FNTA: variants seen among roughly 807,000 people sequenced by gnomAD.
FNTA encodes farnesyltransferase, CAAX box, subunit alpha.
In FNTA, 27 loss-of-function variants were observed where a neutral mutation model predicts 55.2. The observed-to-expected ratio is 0.49, with a 90% CI of 0.36 to 0.67. FNTA has a LOEUF of 0.67. FNTA is among the 30% of genes least tolerant of loss of function. The probability of loss-of-function intolerance (pLI) is 0.00; values close to 1 mark genes in which losing one functional copy is unlikely to be tolerated. For synonymous variants in FNTA, 176 were observed against 170.7 expected, an observed-to-expected ratio of 1.03 and a Z score of -0.24; for missense variants, 422 against 464.7, an observed-to-expected ratio of 0.91 and a Z score of 0.85.
chr8:43,070,565 T>C (rs1481205292), intron 4 of FNTA, among the ~76,000 whole-genome samples: 1 of 152,236 alleles, frequency 6.6e-6, no homozygotes, highest in Non-Finnish European at 1.5e-5. Flanking sequence ...GAGTTTTTGC[T>C]AAAGAGAAAT....
At chr8:43,059,061 T>G in intron 1 of FNTA, 31 bp from the exon 2 acceptor site, 2 of 1,540,772 alleles carry the variant, frequency 1.3e-6, no homozygotes, top group Non-Finnish European at 1.8e-6. Context: ...TATTTGAATG[T>G]AACCACTGGT....
At chr8:43,073,315 A>G (rs1310778133) in intron 5 of FNTA, among the ~76,000 whole-genome samples, 2 of 152,252 alleles carry the variant, frequency 1.3e-5, no homozygotes, top group Non-Finnish European at 2.9e-5. Context: ...ATTAAGACAT[A>G]AAACATAACC....
At chr8:43,069,764 C>T (rs1810745110) in intron 4 of FNTA, 105 bp downstream of exon 4, 1 of 673,872 alleles carries the variant, frequency 1.5e-6, no homozygotes, top group Non-Finnish European at 2.6e-6. Flanking sequence ...CCAGCTTCAG[C>T]CTCCTGGGTA....
intron 6 of FNTA, chr8:43,081,128 T>C (rs983888886): frequency 5.9e-5 from 9 of 152,180 alleles, no homozygotes; most frequent in Admixed American, 2.6e-4. Flanking sequence ...CTTTTTATTA[T>C]AAAAGTAATG....
At position 43,072,253 on chromosome 8, in the gene FNTA, TAATC is replaced by T; in HGVS notation, c.581_584del (p.Asn194ArgfsTer33). 3.1e-6 allele frequency: 5 copies of T among 1,592,060 alleles called. No homozygotes were observed. The highest frequency in any genetic ancestry group is 3.4e-6 in the Non-Finnish European group (4 of 1,168,404). On this transcript the variant is annotated frameshift_variant, in exon 5 of 9. Transcript: ENST00000302279. LOFTEE classifies it high-confidence loss of function. The stretch of plus-strand genomic sequence containing the variant: ...AGCTTGAATTTATTGCTGATATTCT[TAATC>T]AGGATGCAAAGAATTATCATGCCTG...
Position 43,059,162 on chromosome 8 carries a change from A to G in FNTA, c.271A>G (p.Ile91Val), listed in dbSNP as rs140513662. ...TGGCCCCAATCCCGTGGTCCAGATC[A>G]TTTATAGTGACAAATGTAAGTTTGT... Reference protein sequence around the residue: ...NDGPNPVVQIIYSDKFRDVYD... With the variant: ...NDGPNPVVQIVYSDKFRDVYD... Residue 91 changes from isoleucine (I) to valine (V), a missense_variant, in exon 2 of 9, where the codon ATT (isoleucine) becomes GTT (valine). Physicochemically the swap from Ile to Val is conservative, Grantham distance 29. This residue lies in a region of FNTA where 262 missense variants were observed against 343.1 expected (regional missense o/e 0.76). Coordinates refer to ENST00000302279, the MANE Select transcript of FNTA (RefSeq NM_002027.3). The G allele has an allele frequency of 4.3e-6, 7 of 1,611,370 alleles. No individual in the cohort carries two copies. The highest frequency in any genetic ancestry group is 5.9e-6 in the Non-Finnish European group (7 of 1,178,722).
intron 5 of FNTA, among the ~76,000 whole-genome samples, chr8:43,076,132 C>T (rs1229399684): frequency 6.6e-6 from 1 of 152,138 alleles, no homozygotes; most frequent in Non-Finnish European, 1.5e-5. Flanking sequence ...CAACCTCCAC[C>T]TCACGGGTTC....
Position 43,072,280 on chromosome 8 carries a change from C to G in FNTA, c.606C>G (p.Ala202=). ...ILNQDAKNYH[A]WQHRQWVIQE... The stretch of plus-strand genomic sequence containing the variant: ...ATCAGGATGCAAAGAATTATCATGC[C>G]TGGCAGCATCGACAATGGGTTATTC... Residue 202 remains alanine (A), a synonymous_variant, in exon 5 of 9, where the codon GCC becomes GCG. Coordinates refer to ENST00000302279, the MANE Select transcript of FNTA (RefSeq NM_002027.3). The G allele has an allele frequency of 2.5e-6, 4 of 1,590,976 alleles. No individual in the cohort carries two copies. Among genetic ancestry groups the G allele is most frequent in the Non-Finnish European group, 3.4e-6 (4 of 1,168,632 alleles).
chr8:43,076,303 C>T (rs1385131762), intron 5 of FNTA, among the ~76,000 whole-genome samples: 3 of 152,014 alleles, frequency 2.0e-5, no homozygotes, highest in African/African-American at 7.2e-5. Context: ...CTCGACCTCC[C>T]AAAGTGCTGG....
Position 43,074,306 on chromosome 8 carries a change from G to A in FNTA, c.633+1999G>A, listed in dbSNP as rs530374554. On this transcript the variant is annotated intron_variant, in intron 5 of 8. Transcript: ENST00000302279. ...TGGGAGGCCCAGGCAAGTGGATCCC[G>A]TGAGGCCAGGAGTTCACGACTAGCC... Among the ~76,000 whole-genome samples the A allele has an allele frequency of 1.3e-4, 20 of 152,242 alleles. No homozygotes were observed. The South Asian group carries it at 3.1e-3, about 24-fold the overall frequency.
At chr8:43,057,468 C>A (rs566640511) in intron 1 of FNTA, among the ~76,000 whole-genome samples, 1 of 152,176 alleles carries the variant, frequency 6.6e-6, no homozygotes, top group Non-Finnish European at 1.5e-5. Context: ...CAGGTTCTCA[C>A]GTGACTGTGG....
intron 2 of FNTA, among the ~76,000 whole-genome samples, chr8:43,059,692 G>A (rs1810488331): frequency 1.3e-5 from 2 of 152,060 alleles, no homozygotes; most frequent in Admixed American, 6.5e-5. Context: ...AATGTTAATT[G>A]TTAGTTCTTC....
Position 43,059,116 on chromosome 8 carries a change from A to G in FNTA, c.225A>G (p.Ile75Met). The change falls in exon 2 of 9, where the codon ATA becomes ATG. Residue 75 changes from isoleucine to methionine, a missense_variant. This residue lies in a region of FNTA where 160 missense variants were observed against 121.6 expected (regional missense o/e 1.32). Coordinates refer to ENST00000302279, the MANE Select transcript of FNTA (RefSeq NM_002027.3). ...GGGACAGAGCAGAATGGGCTGATAT[A>G]GATCCGGTGCCGCAGAATGATGGCC... The part of the protein sequence containing the change: ...LYRDRAEWAD[I>M]DPVPQNDGPN... The G allele has an allele frequency of 6.2e-7, 1 of 1,613,738 alleles. No individual in the cohort carries two copies. Among genetic ancestry groups the G allele is most frequent in the Non-Finnish European group, 8.5e-7 (1 of 1,179,912 alleles).
rs887048403 is a variant in FNTA, at chr8:43,085,486, A to T, written c.*204A>T. Reference sequence around the variant, plus strand: ...AATGTGATTCTTCTAAAGCAAAGTCATTGGATGGGAGGAGGAAGAAAAAGT... The same window carrying T: ...AATGTGATTCTTCTAAAGCAAAGTCTTTGGATGGGAGGAGGAAGAAAAAGT... On this transcript the variant is annotated 3_prime_UTR_variant, in exon 9 of 9. Coordinates refer to ENST00000302279, the MANE Select transcript of FNTA (RefSeq NM_002027.3). The T allele has an allele frequency of 3.7e-6, 2 of 539,650 alleles. No individual in the cohort carries two copies. Among genetic ancestry groups the T allele is most frequent in the African/African-American group, 4.0e-5 (2 of 49,824 alleles). The allele number at this position is 539,650 out of a possible 1,614,324, so 33.4% of individuals were successfully genotyped here.
At chr8:43,060,232 A>G (rs989109647) in intron 2 of FNTA, among the ~76,000 whole-genome samples, 31 of 152,240 alleles carry the variant, frequency 2.0e-4, no homozygotes, top group Middle Eastern at 3.2e-3. Context: ...AGAAATATCT[A>G]TGAAGAGATA....
Position 43,057,873 on chromosome 8 carries a change from G to A in FNTA, c.201-1219G>A, listed in dbSNP as rs573058582. On this transcript the variant is annotated intron_variant, in intron 1 of 8. Coordinates refer to ENST00000302279, the MANE Select transcript of FNTA (RefSeq NM_002027.3). ...CTCGGGAGGCTGAGGCAGGAGAATC[G>A]CTTTAACCCAGGAGGCAGAGGTTGC... Among the ~76,000 whole-genome samples the A allele has an allele frequency of 4.0e-5, 6 of 150,576 alleles. No individual in the cohort carries two copies. The South Asian group carries it at 1.0e-3, about 26-fold the overall frequency.
chr8:43,059,429 T>G (rs1810483270), intron 2 of FNTA, among the ~76,000 whole-genome samples: 1 of 152,184 alleles, frequency 6.6e-6, no homozygotes, highest in African/African-American at 2.4e-5. Flanking sequence ...AGCTACTATG[T>G]GATTGTGGTT....
intron 5 of FNTA, among the ~76,000 whole-genome samples, chr8:43,074,052 G>A (rs1810854477): frequency 6.6e-6 from 1 of 152,096 alleles, no homozygotes; most frequent in Non-Finnish European, 1.5e-5. Context: ...TTAAACGTTA[G>A]TTTTAAACAT....
chr8:43,070,735 T>TAGTA (rs1390225913), intron 4 of FNTA, among the ~76,000 whole-genome samples: 2 of 152,258 alleles, frequency 1.3e-5, no homozygotes, highest in African/African-American at 2.4e-5. Context: ...ATAACCAGTG[T>TAGTA]AGTACAGGCG....
Sources: allele counts gnomAD v4.1 joint callset (sites outside exome capture counted in the v4.1 genomes callset), GRCh38; gene constraint gnomAD v4.1.1; regional missense constraint gnomAD v4.1.1; transcripts MANE v1.5; gene names NCBI Gene and HGNC (gene_info 2026-07-23, HGNC 2026-07-21).